Variants in NALCN observed in about 807,000 individuals in gnomAD.
NALCN encodes the protein sodium leak channel NALCN.
In NALCN, 111 loss-of-function variants were observed where a neutral mutation model predicts 225.3. The observed-to-expected ratio is 0.49, with a 90% confidence interval of 0.42 to 0.58. The LOEUF (loss-of-function observed/expected upper bound fraction) is 0.58, where lower values mean the gene tolerates loss of function less well. Among genes scored for constraint, NALCN ranks in the 20% least tolerant of loss-of-function variants. The probability of loss-of-function intolerance (pLI) is 0.00; values close to 1 mark genes in which losing one functional copy is unlikely to be tolerated. For missense variants in NALCN, 1,378 were observed against 2,202.4 expected (o/e 0.63, Z 7.49); for synonymous variants, 764 against 769.0 (o/e 0.99, Z 0.11).
chr13:101,249,972 T>A (rs1394701134), intron 11 of NALCN, among the ~76,000 whole-genome samples: 1 of 152,132 alleles, frequency 6.6e-6, no homozygotes, highest in Non-Finnish European at 1.5e-5. Flanking sequence ...GATACAATTA[T>A]CTACATAGAA....
In NALCN at chr13:101,054,977, A is replaced by G. The variant is rs2031034194; in HGVS notation, c.*318T>C. The stretch of plus-strand genomic sequence containing the variant: ...TGCGGGGCGGTGATAATACTGCATT[A>G]GAGCACATATGAATATATACCTTAG... On this transcript the variant is annotated 3_prime_UTR_variant, in exon 44 of 44. Transcript: ENST00000251127. 1 of 262,190 alleles carries G rather than the reference A, an allele frequency of 3.8e-6. No individual in the cohort carries two copies. The highest frequency in any genetic ancestry group is 5.2e-5 in the Admixed American group (1 of 19,196). The allele number at this position is 262,190 out of a possible 1,614,324, so 16.2% of individuals were successfully genotyped here. A position where few individuals can be genotyped will look rare whatever the true frequency, so the allele number is the denominator to read the frequency against.
intron 11 of NALCN, among the ~76,000 whole-genome samples, chr13:101,247,361 T>G (rs1046342569): frequency 1.3e-5 from 2 of 152,150 alleles, no homozygotes; most frequent in Non-Finnish European, 2.9e-5. Context: ...GCTAGCATTC[T>G]CCAAATGACA....
At chr13:101,253,288 A>G (rs1054070455) in intron 11 of NALCN, among the ~76,000 whole-genome samples, 2 of 152,158 alleles carry the variant, frequency 1.3e-5, no homozygotes, top group Non-Finnish European at 2.9e-5. Context: ...TTTATTCTTA[A>G]AGGGTGATTT....
At chr13:101,208,762 G>A (rs1166239462) in intron 13 of NALCN, among the ~76,000 whole-genome samples, 1 of 152,110 alleles carries the variant, frequency 6.6e-6, no homozygotes, top group Non-Finnish European at 1.5e-5. Flanking sequence ...AAGAGTTGGC[G>A]CCTCCTCTCT....
chr13:101,146,750 G>T (rs2037365742), intron 15 of NALCN, among the ~76,000 whole-genome samples: 1 of 152,156 alleles, frequency 6.6e-6, no homozygotes. Context: ...TTACAGGTCA[G>T]GTTCTGTGCT....
intron 7 of NALCN, among the ~76,000 whole-genome samples, chr13:101,334,179 C>T (rs1271693491): frequency 2.8e-5 from 4 of 145,242 alleles, no homozygotes; most frequent in East Asian, 2.3e-4. Flanking sequence ...CAGGCACGCA[C>T]GTGTGCACAC....
chr13:101,132,667 G>A (rs1197441561), intron 17 of NALCN, among the ~76,000 whole-genome samples: 2 of 151,996 alleles, frequency 1.3e-5, no homozygotes, highest in Non-Finnish European at 2.9e-5. Flanking sequence ...TAAAAATTAA[G>A]TTGTCTAAGT....
chr13:101,221,077 A>T (rs1369133444), intron 13 of NALCN, among the ~76,000 whole-genome samples: 1 of 152,188 alleles, frequency 6.6e-6, no homozygotes, highest in Non-Finnish European at 1.5e-5. Context: ...TGCATTTTTT[A>T]AAAATAGAGG....
intron 3 of NALCN, among the ~76,000 whole-genome samples, chr13:101,390,951 C>T (rs2047126440): frequency 6.6e-6 from 1 of 151,676 alleles, no homozygotes; most frequent in Admixed American, 6.6e-5. Flanking sequence ...AGGAAATATA[C>T]CTAATGTAAA....
chr13:101,080,391 T>C (rs2033547695), intron 34 of NALCN, among the ~76,000 whole-genome samples: 1 of 151,944 alleles, frequency 6.6e-6, no homozygotes, highest in African/African-American at 2.4e-5. Flanking sequence ...ATACTACTTA[T>C]CTCAATAATT....
intron 1 of NALCN, among the ~76,000 whole-genome samples, chr13:101,415,797 A>G (rs918341190): frequency 6.6e-6 from 1 of 152,046 alleles, no homozygotes; most frequent in Non-Finnish European, 1.5e-5. Flanking sequence ...TGCTGGAGCC[A>G]GGCTGCCCAC....
At chr13:101,307,870 A>C (rs535693151) in intron 7 of NALCN, among the ~76,000 whole-genome samples, 107 of 152,316 alleles carry the variant, frequency 7.0e-4, no homozygotes, top group African/African-American at 2.3e-3. Context: ...TCCGATATTT[A>C]AAATTTAAAA....
At chr13:101,077,056 G>T (rs1566788101) in intron 34 of NALCN, among the ~76,000 whole-genome samples, 1 of 152,106 alleles carries the variant, frequency 6.6e-6, no homozygotes, top group Admixed American at 6.5e-5. Context: ...AGGTCTGATA[G>T]TTTTATAAGG....
chr13:101,297,919 C>T (rs1177132080), intron 7 of NALCN, among the ~76,000 whole-genome samples: 1 of 152,202 alleles, frequency 6.6e-6, no homozygotes, highest in Admixed American at 6.5e-5. Context: ...TCTGATCAGA[C>T]ATCACCCTTT....
chr13:101,173,134 G>C (rs1312152587), intron 15 of NALCN, among the ~76,000 whole-genome samples: 1 of 152,190 alleles, frequency 6.6e-6, no homozygotes, highest in Non-Finnish European at 1.5e-5. Context: ...TAGATCCTCT[G>C]AGTTTTGAGA....
At chr13:101,361,993 T>C (rs970945607) in intron 6 of NALCN, among the ~76,000 whole-genome samples, 2 of 151,988 alleles carry the variant, frequency 1.3e-5, no homozygotes, top group Non-Finnish European at 2.9e-5. Flanking sequence ...CTGAAATATA[T>C]TCTTATATTT....
intron 1 of NALCN, among the ~76,000 whole-genome samples, chr13:101,415,208 C>CACATATATATATATATATAT (rs1555349509): frequency 1.0e-4 from 11 of 107,806 alleles, no homozygotes; most frequent in African/African-American, 4.5e-4. Flanking sequence ...AAATCACACA[C>CACATATATATATATATATAT]ATATATATAT....
At chr13:101,184,738 G>C (rs754475360) in intron 14 of NALCN, among the ~76,000 whole-genome samples, 7 of 152,132 alleles carry the variant, frequency 4.6e-5, no homozygotes, top group Non-Finnish European at 1.0e-4. Flanking sequence ...CAAGAGGGCA[G>C]CCTTGTCATT....
intron 15 of NALCN, among the ~76,000 whole-genome samples, chr13:101,164,520 G>C (rs1427346856): frequency 6.6e-6 from 1 of 151,926 alleles, no homozygotes; most frequent in African/African-American, 2.4e-5. Context: ...CCAACTACTG[G>C]GCTCAAGCGA....
Sources: gnomAD v4.1 joint callset for allele counts (sites outside exome capture counted in the v4.1 genomes callset) on GRCh38, gnomAD v4.1.1 for gene constraint, MANE v1.5 for transcripts, NCBI Gene and HGNC (gene_info 2026-07-23, HGNC 2026-07-21) for gene names.